Variants in SMTN observed in about 807,000 individuals in gnomAD.
The protein encoded by SMTN is smoothelin.
A neutral mutation model predicts 102.0 loss-of-function variants in SMTN; 58 were observed. The ratio of observed to expected loss-of-function variants is 0.57; its 90% CI spans 0.46 to 0.71. The LOEUF (loss-of-function observed/expected upper bound fraction) is 0.71, where lower values mean the gene tolerates loss of function less well. SMTN is among the 30% of genes least tolerant of loss of function. The pLI is 0.00. For synonymous variants in SMTN, 478 were observed against 497.9 expected, an observed-to-expected ratio of 0.96 and a Z score of 0.53; for missense variants, 1,185 against 1,241.7, an observed-to-expected ratio of 0.95 and a Z score of 0.69.
At chr22:31,077,200 G>C (rs1483239767), upstream of SMTN, among the ~76,000 whole-genome samples, 1 of 152,098 alleles carries the variant, frequency 6.6e-6, no homozygotes, top group Non-Finnish European at 1.5e-5. Context: ...TTGAACCCAG[G>C]AGTTCGAGAC....
At chr22:31,077,075 G>C (rs749483962), upstream of SMTN, among the ~76,000 whole-genome samples, 1 of 152,160 alleles carries the variant, frequency 6.6e-6, no homozygotes. Context: ...CATCCAAGTG[G>C]AGCTTCCAAA....
Position 31,099,199 on chromosome 22 carries a change from G to A in SMTN, c.2451+20G>A. The A allele has an allele frequency of 6.4e-7, 1 of 1,554,994 alleles. No homozygotes were observed. Among genetic ancestry groups the A allele is most frequent in the Non-Finnish European group, 8.9e-7 (1 of 1,129,920 alleles). On this transcript the variant is annotated intron_variant, in intron 18 of 20. Coordinates refer to ENST00000333137, the MANE Select transcript of SMTN (RefSeq NM_134269.3). ...TACGAGGTGAGCCCCGGGAGGCCAG[G>A]GGGCCTGGAGGCCTCCCCAGACCCC... is the stretch of plus-strand genomic sequence containing the variant.
chr22:31,074,796 AAAAAACAAC>A (rs911076640), intron 1 of SMTN, among the ~76,000 whole-genome samples: 16 of 149,872 alleles, frequency 1.1e-4, no homozygotes, highest in African/African-American at 4.1e-4. Flanking sequence ...AAACTGTCTC[AAAAAACAAC>A]AAAAACAACA....
In SMTN at chr22:31,090,962, G is replaced by A; in HGVS notation, c.939G>A (p.Glu313=). The A allele has an allele frequency of 6.2e-7, 1 of 1,613,114 alleles. No individual in the cohort carries two copies. The stretch of plus-strand genomic sequence containing the variant: ...TGACAGCCCTCCTGTTCCTTCTAGA[G>A]TCCACCCCCCTTGCCAGCGGACCTT... ...LSPRQPAQNR[E]STPLASGPSS... The change falls in exon 10 of 21, where the codon GAG becomes GAA. Residue 313 remains glutamate, a splice_region_variant and synonymous_variant. Coordinates refer to ENST00000333137, the MANE Select transcript of SMTN (RefSeq NM_134269.3).
chr22:31,098,855 T>G lies in SMTN; in HGVS notation c.2333+15T>G. 6.5e-7 allele frequency: 1 copy of G among 1,543,232 alleles called. No homozygotes were observed. On this transcript the variant is annotated intron_variant, in intron 17 of 20. Coordinates refer to ENST00000333137, the MANE Select transcript of SMTN (RefSeq NM_134269.3). ...GGCGCGGCCGGGTGAGCTGCAGAAG[T>G]GGGCTGGGCAGTGGGGGGCGGGGCG...
At chr22:31,087,383 C>T (rs1463898538) in intron 2 of SMTN, among the ~76,000 whole-genome samples, 17 of 152,198 alleles carry the variant, frequency 1.1e-4, no homozygotes, top group Admixed American at 1.0e-3. Flanking sequence ...CTGGCTTCTT[C>T]CATGGTGGCT....
Position 31,099,087 on chromosome 22 carries a change from G to C in SMTN, c.2359G>C (p.Val787Leu). 6.2e-7 allele frequency: 1 copy of C among 1,612,712 alleles called. No individual in the cohort carries two copies. The highest frequency in any genetic ancestry group is 8.5e-7 in the Non-Finnish European group (1 of 1,179,894). Reference protein sequence around the residue: ...AGSPGGPRAAVQRSTSFGVPN... With the variant: ...AGSPGGPRAALQRSTSFGVPN... Reference sequence around the variant, plus strand: ...CAGCCCTGGCGGACCCCGCGCAGCCGTGCAGCGATCCACCAGCTTCGGGGT... The same window carrying C: ...CAGCCCTGGCGGACCCCGCGCAGCCCTGCAGCGATCCACCAGCTTCGGGGT... Residue 787 changes from valine (V) to leucine (L), a missense_variant, in exon 18 of 21, where the codon GTG becomes CTG. Coordinates refer to ENST00000333137, the MANE Select transcript of SMTN (RefSeq NM_134269.3).
At chr22:31,086,489 G>A (rs1275630550) in intron 2 of SMTN, among the ~76,000 whole-genome samples, 1 of 150,018 alleles carries the variant, frequency 6.7e-6, no homozygotes, top group Non-Finnish European at 1.5e-5. Context: ...TGATGCCTCG[G>A]GGTATCCTGC....
In SMTN at chr22:31,099,904, TG is replaced by T; in HGVS notation, c.2603+11del. On this transcript the variant is annotated intron_variant, in intron 19 of 20. Transcript: ENST00000333137. ...GGCCTTCTCATCTGCGGAGTAAGTG[TG>T]GGCCCTGGCCCTGCTAATGTTGCTG... is the stretch of plus-strand genomic sequence containing the variant. 3.7e-6 allele frequency: 6 copies of T among 1,613,544 alleles called. No individual in the cohort carries two copies. Among genetic ancestry groups the T allele is most frequent in the Non-Finnish European group, 5.1e-6 (6 of 1,179,644 alleles).
chr22:31,085,412 G>T, intron 2 of SMTN: 3 of 872,018 alleles, frequency 3.4e-6, no homozygotes, highest in Non-Finnish European at 3.4e-6. Context: ...AACCGGGGGA[G>T]CTGGGACTGA....
At chr22:31,098,899 G>C (rs2043845187) in intron 17 of SMTN, 59 bp downstream of exon 17, 3 of 1,549,286 alleles carry the variant, frequency 1.9e-6, no homozygotes. Context: ...AGTGGGGGGC[G>C]GGGCTTGATA....
intron 20 of SMTN, chr22:31,101,890 C>A (rs909688821): frequency 4.0e-5 from 6 of 151,816 alleles, no homozygotes; most frequent in African/African-American, 1.5e-4. Context: ...CTAGGACCTT[C>A]CTCGGATGAG....
intron 2 of SMTN, among the ~76,000 whole-genome samples, chr22:31,085,524 G>C (rs1377486374): frequency 6.6e-6 from 1 of 152,218 alleles, no homozygotes; most frequent in Admixed American, 6.5e-5. Context: ...GAGAGTACAC[G>C]GAGAGCCGGC....
chr22:31,088,939 G>A lies in SMTN; in HGVS notation c.441G>A (p.Gly147=), dbSNP rs759821845. ...PNSGSREDSK[G]LAAHRLEQCE... is the part of the protein sequence containing the mutation. ...GTGGCTCAAGAGAGGACAGCAAGGG[G>A]CTAGCGGCACACAGGCTGGAACAGT... The change falls in exon 6 of 21, where the codon GGG becomes GGA. Residue 147 remains glycine (G), a synonymous_variant. Transcript: ENST00000333137. The A allele has an allele frequency of 6.2e-7, 1 of 1,613,858 alleles. No homozygotes were observed. Among genetic ancestry groups the A allele is most frequent in the South Asian group, 1.1e-5 (1 of 91,086 alleles).
At chr22:31,073,994 G>A (rs2042069586) in intron 1 of SMTN, among the ~76,000 whole-genome samples, 1 of 152,200 alleles carries the variant, frequency 6.6e-6, no homozygotes, top group African/African-American at 2.4e-5. Flanking sequence ...AGCTGCGAGA[G>A]TTCCAAGAGA....
intron 18 of SMTN, 170 bp downstream of exon 18, chr22:31,099,349 G>C: frequency 1.7e-6 from 1 of 603,754 alleles, no homozygotes. Flanking sequence ...AGGACACAAG[G>C]CAAGCCCTAG....
chr22:31,097,731 A>AATAC (rs1280818002), intron 16 of SMTN, among the ~76,000 whole-genome samples: 1 of 150,854 alleles, frequency 6.6e-6, no homozygotes, highest in African/African-American at 2.4e-5. Flanking sequence ...TAAATAAATA[A>AATAC]ATAAATAAAT....
At chr22:31,099,026 T>C (rs370982472) in intron 17 of SMTN, 36 bp from the exon 18 acceptor site, 2 of 1,587,366 alleles carry the variant, frequency 1.3e-6, no homozygotes, top group South Asian at 1.1e-5. Flanking sequence ...ATGCCCCTTA[T>C]AGTCGTGTGA....
intron 17 of SMTN, 34 bp downstream of exon 17, chr22:31,098,874 CG>C (rs2043839648): frequency 1.4e-6 from 2 of 1,426,502 alleles, no homozygotes; most frequent in Non-Finnish European, 1.9e-6. Flanking sequence ...CAGTGGGGGG[CG>C]GGGCGTGATA....
Sources: gnomAD v4.1 joint callset for allele counts (sites outside exome capture counted in the v4.1 genomes callset) on GRCh38, gnomAD v4.1.1 for gene constraint, MANE v1.5 for transcripts, NCBI Gene and HGNC (gene_info 2026-07-23, HGNC 2026-07-21) for gene names.